LMNB1: variants seen among roughly 807,000 people sequenced by gnomAD.
LMNB1 encodes the protein lamin-B1.
In LMNB1, 23 loss-of-function variants were observed where a neutral mutation model predicts 67.1. The observed-to-expected ratio is 0.34, with a 90% CI of 0.25 to 0.49. The LOEUF is 0.49. LMNB1 is among the 20% of genes least tolerant of loss of function. The probability of loss-of-function intolerance (pLI) is 0.99; values close to 1 mark genes in which losing one functional copy is unlikely to be tolerated. For synonymous variants in LMNB1, 281 were observed against 282.9 expected, an observed-to-expected ratio of 0.99 and a Z score of 0.07; for missense variants, 634 against 746.5, an observed-to-expected ratio of 0.85 and a Z score of 1.76.
chr5:126,783,913 G>A (rs933647669), intron 1 of LMNB1, among the ~76,000 whole-genome samples: 1 of 151,112 alleles, frequency 6.6e-6, no homozygotes, highest in Non-Finnish European at 1.5e-5. Context: ...CCCTGTATAG[G>A]TCCCATTATT....
chr5:126,804,928 C>T lies in LMNB1; in HGVS notation c.512C>T (p.Ala171Val). Reference sequence around the variant, plus strand: ...TTGGAGGATCTGAAGGATCAGATTGCCCAGGTAAGGTCAAGCCTACTCTTG... The same window carrying T: ...TTGGAGGATCTGAAGGATCAGATTGTCCAGGTAAGGTCAAGCCTACTCTTG... ...GDLEDLKDQI[A>V]QLEASLAAAK... is the part of the protein sequence containing the mutation. The change falls in exon 2 of 11, where the codon GCC becomes GTC. Residue 171 changes from alanine to valine, a missense_variant. By Grantham distance (64) the Ala-to-Val change is moderately conservative (BLOSUM62 0). Coordinates refer to ENST00000261366, the MANE Select transcript of LMNB1 (RefSeq NM_005573.4). The T allele has an allele frequency of 6.2e-7, 1 of 1,613,602 alleles. No homozygotes were observed. Among genetic ancestry groups the T allele is most frequent in the Non-Finnish European group, 8.5e-7 (1 of 1,179,708 alleles).
intron 10 of LMNB1, among the ~76,000 whole-genome samples, chr5:126,835,633 A>T (rs1752232200): frequency 6.6e-6 from 1 of 152,264 alleles, no homozygotes; most frequent in Non-Finnish European, 1.5e-5. Context: ...TTATATATAG[A>T]TAGCTACCCT....
rs34534973 is a variant in LMNB1, at chr5:126,796,786, CTTTTT to C, written c.360-7974_360-7970del. Among the ~76,000 whole-genome samples, 81 of 118,718 alleles carry C rather than the reference CTTTTT, an allele frequency of 6.8e-4. 1 individual carries two copies. The highest frequency in any genetic ancestry group is 2.1e-3 in the African/African-American group (67 of 32,416). 77.9% of individuals were successfully genotyped at this position (118,718 alleles called of 152,430 possible). ...TTCTTTTTCTTTTTCTTTTTTCTTT[CTTTTT>C]TTTTTTTTTTTTTTTGAGATAGAGC... On this transcript the variant is annotated intron_variant, in intron 1 of 10. Coordinates refer to ENST00000261366, the MANE Select transcript of LMNB1 (RefSeq NM_005573.4).
chr5:126,820,403 A>G (rs1196077630), intron 6 of LMNB1, among the ~76,000 whole-genome samples: 4 of 152,232 alleles, frequency 2.6e-5, no homozygotes, highest in African/African-American at 9.6e-5. Context: ...TATTTTTTAA[A>G]AAAGAAAATT....
At chr5:126,784,069 G>T (rs1208505968) in intron 1 of LMNB1, among the ~76,000 whole-genome samples, 1 of 134,746 alleles carries the variant, frequency 7.4e-6, no homozygotes, top group Non-Finnish European at 1.5e-5. Context: ...TCGTTGCCCA[G>T]GCTGGAGTAC....
chr5:126,790,237 C>T (rs941304918), intron 1 of LMNB1, among the ~76,000 whole-genome samples: 3 of 152,034 alleles, frequency 2.0e-5, no homozygotes, highest in Non-Finnish European at 2.9e-5. Context: ...TCTCCAGTAG[C>T]GGGGATTACA....
chr5:126,785,505 G>A (rs966982493), intron 1 of LMNB1, among the ~76,000 whole-genome samples: 3 of 139,942 alleles, frequency 2.1e-5, no homozygotes, highest in African/African-American at 8.0e-5. Flanking sequence ...TATTTTAGTA[G>A]AGACGAGGTT....
intron 8 of LMNB1, among the ~76,000 whole-genome samples, 178 bp from the exon 9 acceptor site, chr5:126,825,810 C>A (rs1039851286): frequency 6.6e-6 from 1 of 152,160 alleles, no homozygotes; most frequent in Non-Finnish European, 1.5e-5. Flanking sequence ...GATGGGGAAG[C>A]TGAGGCCTTG....
At chr5:126,813,213 A>G (rs536169369) in intron 5 of LMNB1, among the ~76,000 whole-genome samples, 11 of 152,370 alleles carry the variant, frequency 7.2e-5, no homozygotes, top group African/African-American at 2.6e-4. Flanking sequence ...TACACTGTCT[A>G]TCATGTGCTT....
chr5:126,833,693 G>A (rs779072693), intron 10 of LMNB1, among the ~76,000 whole-genome samples: 1 of 152,180 alleles, frequency 6.6e-6, no homozygotes, highest in Admixed American at 6.5e-5. Flanking sequence ...GGGAACCATC[G>A]TAATTACTAG....
intron 3 of LMNB1, among the ~76,000 whole-genome samples, chr5:126,807,104 C>CTT (rs1448254667): frequency 2.6e-5 from 4 of 152,144 alleles, no homozygotes; most frequent in African/African-American, 7.2e-5. Flanking sequence ...TAAAATATCA[C>CTT]TTATAAGCCT....
rs1751397793 is a variant in LMNB1 at position 126,805,678 on chromosome 5, C to G, written c.624C>G (p.Arg208=). Reference sequence around the variant, plus strand: ...GCCTTACTGAGGACTTGGAGTTTCGCAAAAGCATGTATGAAGAGGTAACTA... The same window carrying G: ...GCCTTACTGAGGACTTGGAGTTTCGGAAAAGCATGTATGAAGAGGTAACTA... ...CQSLTEDLEF[R]KSMYEEEINE... The change falls in exon 3 of 11, where the codon CGC becomes CGG. Residue 208 remains arginine (R), a synonymous_variant. Coordinates refer to ENST00000261366, the MANE Select transcript of LMNB1 (RefSeq NM_005573.4). 1 of 1,611,330 alleles carries G rather than the reference C, an allele frequency of 6.2e-7. No individual in the cohort carries two copies. Among genetic ancestry groups the G allele is most frequent in the East Asian group, 2.2e-5 (1 of 44,840 alleles).
intron 1 of LMNB1, among the ~76,000 whole-genome samples, chr5:126,789,583 G>A (rs1395506930): frequency 1.3e-5 from 2 of 152,146 alleles, no homozygotes; most frequent in Non-Finnish European, 2.9e-5. Context: ...TACCACAGTT[G>A]AACTTGTTTA....
chr5:126,803,064 T>C (rs1580538101), intron 1 of LMNB1, among the ~76,000 whole-genome samples: 1 of 150,050 alleles, frequency 6.7e-6, no homozygotes, highest in Non-Finnish European at 1.5e-5. Context: ...CGCATGCCTG[T>C]AATCCCAGCT....
intron 1 of LMNB1, among the ~76,000 whole-genome samples, chr5:126,789,789 T>C (rs1187404061): frequency 6.6e-6 from 1 of 152,144 alleles, no homozygotes; most frequent in Admixed American, 6.6e-5. Flanking sequence ...TTCTCCTGCC[T>C]CAGCCTCCTG....
chr5:126,822,202 C>G (rs949333157), intron 7 of LMNB1, among the ~76,000 whole-genome samples: 13 of 152,122 alleles, frequency 8.5e-5, no homozygotes, highest in Non-Finnish European at 1.3e-4. Context: ...GTTGGCCAGG[C>G]TGGTCTCCAA....
chr5:126,812,697 A>G (rs868530288), intron 5 of LMNB1, among the ~76,000 whole-genome samples: 4 of 146,634 alleles, frequency 2.7e-5, no homozygotes, highest in South Asian at 4.4e-4. Context: ...AATTTTCCAC[A>G]TGAGAATAAA....
chr5:126,803,183 C>CA (rs112706675), intron 1 of LMNB1, among the ~76,000 whole-genome samples: 46,610 of 127,442 alleles, frequency 0.37, 7,375 homozygotes, highest in South Asian at 0.44. Context: ...GATGCCATCT[C>CA]AAAAAAAAAA....
At chr5:126,806,188 C>G (rs1030662085) in intron 3 of LMNB1, among the ~76,000 whole-genome samples, 1 of 152,184 alleles carries the variant, frequency 6.6e-6, no homozygotes, top group Non-Finnish European at 1.5e-5. Context: ...CTCCTGACCT[C>G]GTGATCCGCC....
Sources: gnomAD v4.1 joint callset for allele counts (sites outside exome capture counted in the v4.1 genomes callset) on GRCh38, gnomAD v4.1.1 for gene constraint, MANE v1.5 for transcripts, NCBI Gene and HGNC (gene_info 2026-07-23, HGNC 2026-07-21) for gene names.